Variants in RFLNA observed in about 807,000 individuals in gnomAD.
RFLNA encodes the protein refilin A.
Under a neutral mutation model 7.8 loss-of-function variants are expected in RFLNA, and 5 were observed. That is an observed-to-expected ratio of 0.64 (90% CI 0.34 to 1.35). The LOEUF (loss-of-function observed/expected upper bound fraction) is 1.35. Among genes scored for constraint, RFLNA ranks in the 40% most tolerant of loss-of-function variants. The probability of loss-of-function intolerance (pLI) is 0.04; values close to 1 mark genes in which losing one functional copy is unlikely to be tolerated. For missense variants in RFLNA, 278 were observed against 305.5 expected, an observed-to-expected ratio of 0.91 and a Z score of 0.67; for synonymous variants, 141 against 131.3, an observed-to-expected ratio of 1.07 and a Z score of -0.50.
At position 124,297,839 on chromosome 12, in the gene RFLNA, C is replaced by T. The variant is rs189377747; in HGVS notation, c.207+2203C>T. On this transcript the variant is annotated intron_variant, in intron 1 of 2. Transcript: ENST00000546355. ...GCCATGCCCACCCACCCATCGCCCA[C>T]CCCACAGGGCGCCCCACCTCCCCGT... 1.1e-4 allele frequency among the ~76,000 whole-genome samples: 17 copies of T among 152,118 alleles called. No individual in the cohort carries two copies. The East Asian group carries it at 3.3e-3, about 30-fold the overall frequency.
At chr12:124,292,820 C>G (rs1163606157), upstream of RFLNA, among the ~76,000 whole-genome samples, 1 of 152,212 alleles carries the variant, frequency 6.6e-6, no homozygotes, top group Non-Finnish European at 1.5e-5. Context: ...GGGCAAGGGA[C>G]TTTCAGGACA....
rs942749261 is a variant in RFLNA, at chr12:124,299,194, C to T, written c.207+3558C>T. 5.3e-5 allele frequency among the ~76,000 whole-genome samples: 8 copies of T among 152,346 alleles called. No homozygotes were observed. The East Asian group carries it at 5.8e-4, about 11-fold the overall frequency. On this transcript the variant is annotated intron_variant, in intron 1 of 2. Coordinates refer to ENST00000546355, the MANE Select transcript of RFLNA (RefSeq NM_001365156.1). ...GAGTGAGGAGGGTGCCCGTGCGGGA[C>T]GCAGAATGTGGCCATTTTGCATCAG...
Position 124,314,647 on chromosome 12 carries a change from C to A in RFLNA, c.*122C>A. 1 of 1,481,502 alleles carries A rather than the reference C, an allele frequency of 6.7e-7. No individual in the cohort carries two copies. The highest frequency in any genetic ancestry group is 9.1e-7 in the Non-Finnish European group (1 of 1,097,902). The allele number at this position is 1,481,502 out of a possible 1,614,324, so 91.8% of individuals were successfully genotyped here. On this transcript the variant is annotated 3_prime_UTR_variant, in exon 3 of 3. Transcript: ENST00000546355. ...GAGGCGGGAAGGGAGGCTGCCAGAC[C>A]AAGGACCCGTGTGGAAGGAGGCGGC...
chr12:124,308,262 G>A (rs1481646710), intron 1 of RFLNA, among the ~76,000 whole-genome samples: 3 of 152,210 alleles, frequency 2.0e-5, no homozygotes, highest in Non-Finnish European at 2.9e-5. Flanking sequence ...GATTACAGGC[G>A]TCAGCCACTG....
intron 1 of RFLNA, among the ~76,000 whole-genome samples, chr12:124,296,432 C>T (rs185023809): frequency 7.8e-4 from 119 of 151,674 alleles, no homozygotes; most frequent in South Asian, 4.0e-3. Context: ...ATGGGCCGAG[C>T]GGGCGCCTTT....
upstream of RFLNA, among the ~76,000 whole-genome samples, chr12:124,290,160 G>T (rs557479414): frequency 6.6e-6 from 1 of 152,180 alleles, no homozygotes; most frequent in Non-Finnish European, 1.5e-5. This position sits in a 1 kb window ranked among gnomAD's most constrained non-coding sequence, Gnocchi z 4.0. Context: ...CAAAGATTTC[G>T]CTGACACCGC....
chr12:124,310,722 T>C (rs1158791365), intron 1 of RFLNA, among the ~76,000 whole-genome samples: 1 of 152,104 alleles, frequency 6.6e-6, no homozygotes, highest in Non-Finnish European at 1.5e-5. Context: ...GGGACAGACT[T>C]TAAAACAGAC....
upstream of RFLNA, among the ~76,000 whole-genome samples, chr12:124,294,453 G>A (rs761393757): frequency 4.3e-4 from 65 of 152,308 alleles, no homozygotes; most frequent in Non-Finnish European, 7.9e-4. Flanking sequence ...CAGTAAGGAA[G>A]GGAAACACGT....
Position 124,314,654 on chromosome 12 carries a change from C to T in RFLNA, c.*129C>T. The T allele has an allele frequency of 6.8e-7, 1 of 1,467,570 alleles. No individual in the cohort carries two copies. Among genetic ancestry groups the T allele is most frequent in the East Asian group, 2.5e-5 (1 of 40,544 alleles). The allele number at this position is 1,467,570 out of a possible 1,614,324, so 90.9% of individuals were successfully genotyped here. On this transcript the variant is annotated 3_prime_UTR_variant, in exon 3 of 3. Transcript: ENST00000546355. ...GAAGGGAGGCTGCCAGACCAAGGACCCGTGTGGAAGGAGGCGGCTCCCCGC... is the reference window on the plus strand; with the variant it reads ...GAAGGGAGGCTGCCAGACCAAGGACTCGTGTGGAAGGAGGCGGCTCCCCGC...
In RFLNA at chr12:124,309,550, C is replaced by T. The variant is rs190441896; in HGVS notation, c.208-2268C>T. ...TTTCTCCAAAGCTGTGCTATTCATA[C>T]GCTCTGGGTCTATTATTCATAACCT... On this transcript the variant is annotated intron_variant, in intron 1 of 2. Transcript: ENST00000546355. Among the ~76,000 whole-genome samples the T allele has an allele frequency of 7.2e-5, 11 of 152,378 alleles. No individual in the cohort carries two copies. In the East Asian group the frequency reaches 1.3e-3, roughly 19 times the overall value.
At chr12:124,290,540 G>T (rs991940979), upstream of RFLNA, among the ~76,000 whole-genome samples, 3 of 152,008 alleles carry the variant, frequency 2.0e-5, no homozygotes, top group African/African-American at 7.3e-5. The surrounding 1 kb of genome is among the most constrained non-coding windows in gnomAD (Gnocchi z 4.0). Flanking sequence ...GTGTTTATGT[G>T]TATATACATG....
At chr12:124,307,535 C>T (rs535790045) in intron 1 of RFLNA, among the ~76,000 whole-genome samples, 1 of 152,300 alleles carries the variant, frequency 6.6e-6, no homozygotes, top group African/African-American at 2.4e-5. Flanking sequence ...GCCCCTCTCT[C>T]CCATTCCCCT....
intron 1 of RFLNA, among the ~76,000 whole-genome samples, chr12:124,308,427 G>T (rs997811504): frequency 4.6e-5 from 7 of 150,916 alleles, no homozygotes; most frequent in African/African-American, 1.7e-4. Context: ...GTGGACATGG[G>T]CTTTGGGGGG....
At chr12:124,292,418 C>T (rs1347406141), upstream of RFLNA, among the ~76,000 whole-genome samples, 1 of 152,158 alleles carries the variant, frequency 6.6e-6, no homozygotes, top group African/African-American at 2.4e-5. Context: ...ACTGGCTAGC[C>T]CCTGGCTCAG....
rs374222554 is a variant in RFLNA, at chr12:124,314,556, GAGCCGGGAGCCCTGGGGAGA to G, written c.*41_*60del. The stretch of plus-strand genomic sequence containing the variant: ...CTGGGGCCGGCCCGGGGTGCTGGAG[GAGCCGGGAGCCCTGGGGAGA>G]AGCCGGGAGGATGGACACGATGAGC... On this transcript the variant is annotated 3_prime_UTR_variant, in exon 3 of 3. Transcript: ENST00000546355. The G allele has an allele frequency of 1.7e-3, 2,613 of 1,542,704 alleles. 28 individuals carry two copies. The African/African-American group carries it at 0.03, about 18-fold the overall frequency.
At chr12:124,291,897 A>G (rs2033830342), upstream of RFLNA, among the ~76,000 whole-genome samples, 1 of 152,114 alleles carries the variant, frequency 6.6e-6, no homozygotes, top group South Asian at 2.1e-4. Context: ...CTGAAAAGCC[A>G]GTGACTTCAG....
At chr12:124,309,969 G>A (rs573100143) in intron 1 of RFLNA, among the ~76,000 whole-genome samples, 11 of 152,144 alleles carry the variant, frequency 7.2e-5, no homozygotes, top group South Asian at 6.2e-4. Context: ...AGGAATTTGC[G>A]ATCAGCCTGG....
At chr12:124,298,144 A>T (rs1426142591) in intron 1 of RFLNA, among the ~76,000 whole-genome samples, 1 of 152,164 alleles carries the variant, frequency 6.6e-6, no homozygotes, top group Non-Finnish European at 1.5e-5. Flanking sequence ...CTTTCTGATA[A>T]AAGTTGGTGG....
chr12:124,313,285 A>G (rs909349917), intron 2 of RFLNA, among the ~76,000 whole-genome samples: 26 of 152,166 alleles, frequency 1.7e-4, no homozygotes, highest in African/African-American at 6.3e-4. Flanking sequence ...CTGATTTCCT[A>G]AAGCTCTGGA....
Sources: allele counts gnomAD v4.1 joint callset (sites outside exome capture counted in the v4.1 genomes callset), GRCh38; gene constraint gnomAD v4.1.1; non-coding constraint Gnocchi (gnomAD v3.1); transcripts MANE v1.5; gene names NCBI Gene and HGNC (gene_info 2026-07-23, HGNC 2026-07-21).